The following NIM1K variants were observed in gnomAD, a reference collection of about 807,000 sequenced individuals.
NIM1K encodes NIM1 serine/threonine protein kinase.
In NIM1K, 35 loss-of-function variants were observed where a neutral mutation model predicts 37.1. The ratio of observed to expected loss-of-function variants is 0.94; its 90% CI spans 0.72 to 1.25. The LOEUF (loss-of-function observed/expected upper bound fraction) is 1.25. Among genes scored for constraint, NIM1K ranks in the 50% most tolerant of loss-of-function variants. NIM1K has a pLI of 0.00. For missense variants in NIM1K, 564 were observed against 548.0 expected, an observed-to-expected ratio of 1.03 and a Z score of -0.29; for synonymous variants, 234 against 206.6, an observed-to-expected ratio of 1.13 and a Z score of -1.14.
At chr5:43,198,481 T>A (rs903624271) in intron 1 of NIM1K, among the ~76,000 whole-genome samples, 6 of 151,830 alleles carry the variant, frequency 4.0e-5, no homozygotes, top group African/African-American at 1.2e-4. Context: ...TCTTTATTTT[T>A]ATTGCCTTTT....
chr5:43,260,156 A>T (rs2112282525), intron 2 of NIM1K, among the ~76,000 whole-genome samples: 2 of 152,250 alleles, frequency 1.3e-5, no homozygotes, highest in Middle Eastern at 6.8e-3. Flanking sequence ...TAGGTATATG[A>T]TCATATCATC....
intron 1 of NIM1K, chr5:43,206,998 C>G: frequency 1.3e-6 from 1 of 753,024 alleles, no homozygotes; most frequent in East Asian, 2.5e-5. Context: ...TGAGTCAGGA[C>G]AGTACTGGGC....
At position 43,280,305 on chromosome 5, in the gene NIM1K, A is replaced by C. The variant is rs1443615895; in HGVS notation, c.887A>C (p.Glu296Ala). 1 of 1,614,166 alleles carries C rather than the reference A, an allele frequency of 6.2e-7. No individual in the cohort carries two copies. The highest frequency in any genetic ancestry group is 8.5e-7 in the Non-Finnish European group (1 of 1,180,028). ...GTYSVPPHVS[E>A]PCHRLIRGVL... ...TACAGTGTACCGCCGCACGTGTCAG[A>C]GCCCTGCCACCGACTCATCCGAGGA... The change falls in exon 4 of 4, where the codon GAG (glutamate) becomes GCG (alanine). Residue 296 changes from glutamate (E) to alanine (A), a missense_variant. By Grantham distance (107) the Glu-to-Ala change is moderately radical (BLOSUM62 -1). Coordinates refer to ENST00000326035, the MANE Select transcript of NIM1K (RefSeq NM_153361.4).
chr5:43,227,514 G>C (rs370827489), intron 1 of NIM1K, among the ~76,000 whole-genome samples: 1 of 152,116 alleles, frequency 6.6e-6, no homozygotes, highest in Non-Finnish European at 1.5e-5. Context: ...AATCCAACCC[G>C]TCTTCCATAT....
Position 43,213,280 on chromosome 5 carries a change from GTTTCCTTTCCTTTTCTTTTC to G in NIM1K, c.-695+20873_-695+20892del, listed in dbSNP as rs1175534206. Among the ~76,000 whole-genome samples the G allele has an allele frequency of 3.4e-3, 195 of 57,756 alleles. 3 individuals carry two copies. Among genetic ancestry groups the G allele is most frequent in the Non-Finnish European group, 5.1e-3 (151 of 29,422 alleles). 37.9% of individuals were successfully genotyped at this position (57,756 alleles called of 152,430 possible). A position where few individuals can be genotyped will look rare whatever the true frequency, so the allele number is the denominator to read the frequency against. ...TCTTTCTTGTTTCTTTTTCTTTCTT[GTTTCCTTTCCTTTTCTTTTC>G]TTTTCTTTTCTTTTCTTTTCTTTTC... On this transcript the variant is annotated intron_variant, in intron 1 of 3. Transcript: ENST00000326035.
intron 1 of NIM1K, among the ~76,000 whole-genome samples, chr5:43,214,832 C>CAAAAAAAAAAAAAAAAAAAAAAAAAA: frequency 7.9e-6 from 1 of 126,212 alleles, no homozygotes; most frequent in Non-Finnish European, 1.7e-5. Flanking sequence ...AAAAAAAAAA[C>CAAAAAAAAAAAAAAAAAAAAAAAAAA]AAAAAAGAAA....
chr5:43,263,007 G>GT (rs1463118860), intron 2 of NIM1K, among the ~76,000 whole-genome samples: 1 of 152,170 alleles, frequency 6.6e-6, no homozygotes, highest in Admixed American at 6.5e-5. Context: ...GCTGGATTCA[G>GT]TTTGCCAGTA....
chr5:43,277,351 C>G lies in NIM1K; in HGVS notation c.561+26C>G, dbSNP rs552542889. 4 of 1,603,500 alleles carry G rather than the reference C, an allele frequency of 2.5e-6. No individual in the cohort carries two copies. In the African/African-American group the frequency reaches 5.3e-5, roughly 21 times the overall value. On this transcript the variant is annotated intron_variant, in intron 3 of 3. Coordinates refer to ENST00000326035, the MANE Select transcript of NIM1K (RefSeq NM_153361.4). The stretch of plus-strand genomic sequence containing the variant: ...GTGAGCAGGGGTGACGAGTGAGAAC[C>G]TTGCTCCCATTGCACTGACACTGGG...
chr5:43,200,776 A>G (rs1752007780), intron 1 of NIM1K, among the ~76,000 whole-genome samples: 2 of 152,186 alleles, frequency 1.3e-5, no homozygotes, highest in Admixed American at 6.6e-5. Context: ...AGGAAATAAT[A>G]TGGGGAAATT....
chr5:43,233,558 C>A (rs1316196780), intron 1 of NIM1K, among the ~76,000 whole-genome samples: 1 of 152,206 alleles, frequency 6.6e-6, no homozygotes, highest in Non-Finnish European at 1.5e-5. Flanking sequence ...ATAGCCATAG[C>A]CTTGCGGCCT....
chr5:43,232,279 A>G, intron 1 of NIM1K: 1 of 1,128,656 alleles, frequency 8.9e-7, no homozygotes, highest in Non-Finnish European at 1.3e-6. Flanking sequence ...TCTGGTTGGC[A>G]GGCTGAAAGC....
chr5:43,266,055 C>T (rs937160286), intron 2 of NIM1K, among the ~76,000 whole-genome samples: 1 of 152,080 alleles, frequency 6.6e-6, no homozygotes, highest in Non-Finnish European at 1.5e-5. Context: ...GCCGCTCAGG[C>T]TACTCAGGGG....
chr5:43,199,642 C>G (rs1263259274), intron 1 of NIM1K, among the ~76,000 whole-genome samples: 2 of 152,192 alleles, frequency 1.3e-5, no homozygotes, highest in African/African-American at 2.4e-5. Context: ...AAACACCACA[C>G]TAAGGTCTTA....
intron 1 of NIM1K, among the ~76,000 whole-genome samples, chr5:43,218,490 T>C (rs1484896654): frequency 2.0e-5 from 3 of 152,100 alleles, no homozygotes; most frequent in African/African-American, 7.2e-5. Context: ...TTTGCATTCA[T>C]GGTGGAAGGC....
At chr5:43,230,419 G>A (rs560417002) in intron 1 of NIM1K, among the ~76,000 whole-genome samples, 58 of 152,152 alleles carry the variant, frequency 3.8e-4, no homozygotes, top group South Asian at 2.3e-3. Flanking sequence ...TGGCAGTCAC[G>A]TATGTCACTT....
intron 3 of NIM1K, among the ~76,000 whole-genome samples, chr5:43,278,056 T>TG (rs1252336775): frequency 6.6e-6 from 1 of 150,820 alleles, no homozygotes; most frequent in Non-Finnish European, 1.5e-5. Flanking sequence ...GTTTCTTTTT[T>TG]TTTTTTTTAG....
At position 43,277,051 on chromosome 5, in the gene NIM1K, T is replaced by A. The variant is rs752655280; in HGVS notation, c.293-6T>A. 1.9e-6 allele frequency: 3 copies of A among 1,612,246 alleles called. No homozygotes were observed. The African/African-American group carries it at 4.0e-5, about 22-fold the overall frequency. On this transcript the variant is annotated splice_region_variant and splice_polypyrimidine_tract_variant and intron_variant, in intron 2 of 3. Coordinates refer to ENST00000326035, the MANE Select transcript of NIM1K (RefSeq NM_153361.4). ...CTGGCACAATTTTTACTTTTTTTCC[T>A]TGCAGAAAAGGTGGCCATTAAGATC... is the stretch of plus-strand genomic sequence containing the variant.
intron 1 of NIM1K, among the ~76,000 whole-genome samples, chr5:43,233,535 C>A (rs539111066): frequency 5.3e-5 from 8 of 152,348 alleles, no homozygotes; most frequent in Admixed American, 2.0e-4. Context: ...CCACAACACT[C>A]TTTTCCTTAT....
At chr5:43,200,831 A>G (rs1434773758) in intron 1 of NIM1K, among the ~76,000 whole-genome samples, 2 of 152,124 alleles carry the variant, frequency 1.3e-5, no homozygotes, top group African/African-American at 4.8e-5. Flanking sequence ...CCCAGTTTAA[A>G]ATATGCAAAA....
Sources: allele counts gnomAD v4.1 joint callset (sites outside exome capture counted in the v4.1 genomes callset), GRCh38; gene constraint gnomAD v4.1.1; transcripts MANE v1.5; gene names NCBI Gene and HGNC (gene_info 2026-07-23, HGNC 2026-07-21).